PACC1: variants seen among roughly 807,000 people sequenced by gnomAD.
The protein encoded by PACC1 is proton-activated chloride channel.
PACC1 carries 34 observed loss-of-function variants against 39.7 expected under a neutral mutation model. The observed-to-expected ratio is 0.86, with a 90% CI of 0.65 to 1.14. The LOEUF (loss-of-function observed/expected upper bound fraction) is 1.14. PACC1 is among the 50% of genes most tolerant of loss of function. The pLI is 0.00. For synonymous variants in PACC1, 127 were observed against 160.6 expected (o/e 0.79, Z 1.58); for missense variants, 379 against 436.4 (o/e 0.87, Z 1.17).
At chr1:212,409,571 G>A (rs1017592615) in intron 2 of PACC1, among the ~76,000 whole-genome samples, 3 of 152,198 alleles carry the variant, frequency 2.0e-5, no homozygotes, top group Non-Finnish European at 4.4e-5. Flanking sequence ...GCGTTAAGTG[G>A]TAGTACCATT....
rs367607888 is a variant in PACC1 at position 212,408,657 on chromosome 1, C to T, written c.133+1768G>A. Among the ~76,000 whole-genome samples the T allele has an allele frequency of 2.2e-4, 34 of 152,288 alleles. No individual in the cohort carries two copies. In the South Asian group the frequency reaches 6.0e-3, roughly 27 times the overall value. On this transcript the variant is annotated intron_variant, in intron 2 of 7. Transcript: ENST00000261455. Reference sequence around the variant, plus strand: ...CATTACAGGCATGAGCCACCGTGCCCGGTCCCTTCCATGCAGTCTTCTGTA... The same window carrying T: ...CATTACAGGCATGAGCCACCGTGCCTGGTCCCTTCCATGCAGTCTTCTGTA...
chr1:212,407,759 C>A (rs1464420562), intron 2 of PACC1, among the ~76,000 whole-genome samples: 1 of 152,114 alleles, frequency 6.6e-6, no homozygotes, highest in Non-Finnish European at 1.5e-5. Flanking sequence ...GGGATTACCA[C>A]CACTTAAAAT....
At position 212,365,066 on chromosome 1, in the gene PACC1, GTTAGAAGTT is replaced by G; in HGVS notation, c.*140_*148del. 2 of 699,546 alleles carry G rather than the reference GTTAGAAGTT, an allele frequency of 2.9e-6. No individual in the cohort carries two copies. Among genetic ancestry groups the G allele is most frequent in the East Asian group, 5.6e-5 (2 of 35,480 alleles). 43.3% of individuals were successfully genotyped at this position (699,546 alleles called of 1,614,324 possible). On this transcript the variant is annotated 3_prime_UTR_variant, in exon 8 of 8. Transcript: ENST00000261455. ...TCTACACCGCCTCTTTTGGGACGGG[GTTAGAAGTT>G]CCAGTTTTACATGCTGTTCCTCCCA...
At chr1:212,377,424 G>A in intron 6 of PACC1, 138 bp downstream of exon 6, 1 of 1,162,462 alleles carries the variant, frequency 8.6e-7, no homozygotes, top group Non-Finnish European at 1.2e-6. Context: ...CTCCATGGGA[G>A]TCCCTTCTCA....
chr1:212,411,858 G>T (rs1422716359), intron 1 of PACC1, among the ~76,000 whole-genome samples: 1 of 152,148 alleles, frequency 6.6e-6, no homozygotes, highest in African/African-American at 2.4e-5. Context: ...GCCAGGTGCG[G>T]GGCCTGACAC....
At chr1:212,399,517 G>A (rs970505217) in intron 2 of PACC1, among the ~76,000 whole-genome samples, 7 of 151,096 alleles carry the variant, frequency 4.6e-5, no homozygotes, top group Admixed American at 4.6e-4. Context: ...GCTGGAGTGC[G>A]CTGGTGTGAT....
intron 2 of PACC1, 162 bp downstream of exon 2, chr1:212,410,263 C>T: frequency 1.4e-6 from 1 of 704,996 alleles, no homozygotes; most frequent in Non-Finnish European, 2.6e-6. Flanking sequence ...ATCCTCTGTT[C>T]CAAGGCTGGT....
chr1:212,379,881 C>T lies in PACC1; in HGVS notation c.638+14G>A. On this transcript the variant is annotated intron_variant, in intron 5 of 7. Coordinates refer to ENST00000261455, the MANE Select transcript of PACC1 (RefSeq NM_018252.3). ...AAGTAGACAGTAAGCCCACTGTGAA[C>T]TCTAAAAGCCCACCTTTGCAGGAAC... 6.2e-7 allele frequency: 1 copy of T among 1,613,952 alleles called. No individual in the cohort carries two copies. The highest frequency in any genetic ancestry group is 8.5e-7 in the Non-Finnish European group (1 of 1,179,940).
intron 2 of PACC1, among the ~76,000 whole-genome samples, chr1:212,403,422 T>G (rs1295244353): frequency 6.6e-6 from 1 of 152,202 alleles, no homozygotes; most frequent in Non-Finnish European, 1.5e-5. Context: ...CTGCTCATTT[T>G]CCATCTGTCC....
At chr1:212,373,568 G>C (rs1288216416) in intron 7 of PACC1, among the ~76,000 whole-genome samples, 2 of 152,116 alleles carry the variant, frequency 1.3e-5, no homozygotes, top group African/African-American at 4.8e-5. Flanking sequence ...ACAACCTACA[G>C]AATGAGAGAA....
intron 7 of PACC1, among the ~76,000 whole-genome samples, chr1:212,371,241 CAAAAAAAAA>C (rs1189603478): frequency 1.1e-5 from 1 of 88,804 alleles, no homozygotes; most frequent in African/African-American, 5.0e-5. Context: ...GACTCCATTT[CAAAAAAAAA>C]AAAAAAAAAG....
At chr1:212,411,071 G>A (rs998083666) in intron 1 of PACC1, among the ~76,000 whole-genome samples, 1 of 152,162 alleles carries the variant, frequency 6.6e-6, no homozygotes, top group African/African-American at 2.4e-5. Flanking sequence ...AATTACACCT[G>A]CAATGACCCC....
At chr1:212,404,945 G>A (rs531425817) in intron 2 of PACC1, among the ~76,000 whole-genome samples, 1 of 151,918 alleles carries the variant, frequency 6.6e-6, no homozygotes, top group East Asian at 1.9e-4. Flanking sequence ...AGTTTTTTTG[G>A]TATTTTTAGT....
At chr1:212,370,092 A>G (rs1346163722) in intron 7 of PACC1, among the ~76,000 whole-genome samples, 2 of 152,212 alleles carry the variant, frequency 1.3e-5, no homozygotes, top group Non-Finnish European at 2.9e-5. Context: ...ACAAAAATGG[A>G]CAGCTTATCT....
At chr1:212,413,813 AAG>A in intron 1 of PACC1, 2 of 1,401,620 alleles carry the variant, frequency 1.4e-6, no homozygotes, top group Non-Finnish European at 1.9e-6. Flanking sequence ...TGGAGAGTAT[AAG>A]AGACTAAAGG....
intron 5 of PACC1, among the ~76,000 whole-genome samples, chr1:212,378,296 G>A (rs1339281134): frequency 2.0e-5 from 3 of 152,250 alleles, no homozygotes; most frequent in South Asian, 4.1e-4. Context: ...CGAAAGGAGC[G>A]TGGAGTGGGG....
At chr1:212,370,020 T>C (rs572595874) in intron 7 of PACC1, among the ~76,000 whole-genome samples, 2 of 152,180 alleles carry the variant, frequency 1.3e-5, no homozygotes, top group Admixed American at 6.5e-5. Flanking sequence ...CAAATATTAA[T>C]AGATCTAAAG....
chr1:212,366,485 A>T (rs757782082), intron 7 of PACC1, among the ~76,000 whole-genome samples: 13 of 151,972 alleles, frequency 8.6e-5, no homozygotes, highest in Admixed American at 8.5e-4. Context: ...TATTTTTAGT[A>T]GAGACGGGGT....
At position 212,375,387 on chromosome 1, in the gene PACC1, G is replaced by A. The variant is rs989615533; in HGVS notation, c.784-87C>T. 9.3e-5 allele frequency: 86 copies of A among 921,740 alleles called. No individual in the cohort carries two copies. In the African/African-American group the frequency reaches 1.2e-3, roughly 12 times the overall value. The allele number at this position is 921,740 out of a possible 1,614,324, so 57.1% of individuals were successfully genotyped here. A position where few individuals can be genotyped will look rare whatever the true frequency, so the allele number is the denominator to read the frequency against. On this transcript the variant is annotated intron_variant, in intron 6 of 7. Coordinates refer to ENST00000261455, the MANE Select transcript of PACC1 (RefSeq NM_018252.3). ...CAGCGAAAGGAGAGAGAGTAGGCAG[G>A]GGATCATAGTCTGTGGTTCTCCTCA...
Sources: allele counts gnomAD v4.1 joint callset (sites outside exome capture counted in the v4.1 genomes callset), GRCh38; gene constraint gnomAD v4.1.1; transcripts MANE v1.5; gene names NCBI Gene and HGNC (gene_info 2026-07-23, HGNC 2026-07-21).